The following PIP4K2A variants were observed in gnomAD, a reference collection of about 807,000 sequenced individuals.
PIP4K2A encodes phosphatidylinositol 5-phosphate 4-kinase type-2 alpha.
PIP4K2A carries 14 observed loss-of-function variants against 42.9 expected under a neutral mutation model. The ratio of observed to expected loss-of-function variants is 0.33; its 90% CI spans 0.22 to 0.51. PIP4K2A has a LOEUF of 0.51. PIP4K2A is among the 20% of genes least tolerant of loss of function. The pLI is 0.97. For synonymous variants in PIP4K2A, 192 were observed against 192.2 expected (o/e 1.00, Z 0.01); for missense variants, 434 against 519.8 (o/e 0.83, Z 1.61).
intron 4 of PIP4K2A, among the ~76,000 whole-genome samples, chr10:22,584,590 C>A (rs1396339436): frequency 2.6e-5 from 4 of 152,096 alleles, no homozygotes; most frequent in East Asian, 1.9e-4. Context: ...GTGTGCCGGG[C>A]AGCTCCCCAT....
At chr10:22,642,896 T>G (rs1034074079) in intron 1 of PIP4K2A, among the ~76,000 whole-genome samples, 2 of 152,178 alleles carry the variant, frequency 1.3e-5, no homozygotes, top group East Asian at 3.9e-4. Flanking sequence ...AGTTTTCTTT[T>G]GTCAATGTAA....
chr10:22,604,124 C>CA (rs1199588853), intron 3 of PIP4K2A, among the ~76,000 whole-genome samples: 1 of 151,904 alleles, frequency 6.6e-6, no homozygotes, highest in East Asian at 1.9e-4. Context: ...TTGTCTTTAA[C>CA]AACAAGGAAA....
At chr10:22,539,913 G>C in intron 9 of PIP4K2A, 58 bp downstream of exon 9, 2 of 353,650 alleles carry the variant, frequency 5.7e-6, no homozygotes, top group South Asian at 4.7e-5. Context: ...GAGAGAGAGG[G>C]AGAGAGAGAG....
At chr10:22,602,008 G>A (rs909904355) in intron 3 of PIP4K2A, among the ~76,000 whole-genome samples, 3 of 152,108 alleles carry the variant, frequency 2.0e-5, no homozygotes, top group African/African-American at 4.8e-5. Flanking sequence ...GGTGGGTGAC[G>A]GAGGCTTGGC....
intron 1 of PIP4K2A, among the ~76,000 whole-genome samples, chr10:22,667,432 CCTTTGG>C (rs1839370724): frequency 6.6e-6 from 1 of 152,126 alleles, no homozygotes; most frequent in South Asian, 2.1e-4. Flanking sequence ...CACTCTAAGT[CCTTTGG>C]CTTTGAATGT....
At chr10:22,595,898 T>C (rs925020648) in intron 3 of PIP4K2A, among the ~76,000 whole-genome samples, 1 of 151,978 alleles carries the variant, frequency 6.6e-6, no homozygotes, top group African/African-American at 2.4e-5. Flanking sequence ...CTTGGATCTT[T>C]TATGACTCTA....
chr10:22,670,871 C>G (rs543974517), intron 1 of PIP4K2A, among the ~76,000 whole-genome samples: 1 of 152,164 alleles, frequency 6.6e-6, no homozygotes, highest in South Asian at 2.1e-4. Flanking sequence ...GTAAGTGTGA[C>G]ACTAGAAACT....
At chr10:22,545,112 T>C (rs1449066694) in intron 7 of PIP4K2A, among the ~76,000 whole-genome samples, 1 of 152,216 alleles carries the variant, frequency 6.6e-6, no homozygotes, top group Non-Finnish European at 1.5e-5. Flanking sequence ...CGGCACTTGT[T>C]GGACAAGTGA....
chr10:22,550,646 T>C lies in PIP4K2A; in HGVS notation c.792+13A>G, dbSNP rs1252456473. ...TATACAATGAGTCTGGCCTCTCCAC[T>C]GACTGTTCTTACCTCAACATCCTTT... On this transcript the variant is annotated intron_variant, in intron 7 of 9. Transcript: ENST00000376573. The C allele has an allele frequency of 7.5e-7, 1 of 1,335,784 alleles. No homozygotes were observed. The highest frequency in any genetic ancestry group is 1.1e-6 in the Non-Finnish European group (1 of 925,146). 82.7% of individuals were successfully genotyped at this position (1,335,784 alleles called of 1,614,324 possible). A position where few individuals can be genotyped will look rare whatever the true frequency, so the allele number is the denominator to read the frequency against.
intron 6 of PIP4K2A, 145 bp downstream of exon 6, chr10:22,567,706 C>A (rs1212394948): frequency 1.3e-6 from 1 of 787,660 alleles, no homozygotes; most frequent in Non-Finnish European, 2.3e-6. Flanking sequence ...CGGGTCAATA[C>A]AGTGTTTCTC....
intron 1 of PIP4K2A, among the ~76,000 whole-genome samples, chr10:22,693,035 T>C (rs1441937724): frequency 2.0e-5 from 3 of 152,212 alleles, no homozygotes; most frequent in Non-Finnish European, 4.4e-5. Flanking sequence ...CAATAACAAA[T>C]AGTTCTGCAT....
chr10:22,651,172 G>A (rs1159767288), intron 1 of PIP4K2A, among the ~76,000 whole-genome samples: 1 of 152,154 alleles, frequency 6.6e-6, no homozygotes, highest in Non-Finnish European at 1.5e-5. Context: ...CACCTCCTAA[G>A]CCCCACCAGC....
At chr10:22,660,119 C>T (rs910560342) in intron 1 of PIP4K2A, among the ~76,000 whole-genome samples, 3 of 152,106 alleles carry the variant, frequency 2.0e-5, no homozygotes, top group African/African-American at 7.2e-5. Flanking sequence ...CTCACTTCCC[C>T]CTACATCCCC....
At chr10:22,672,011 C>T (rs963514451) in intron 1 of PIP4K2A, among the ~76,000 whole-genome samples, 2 of 152,088 alleles carry the variant, frequency 1.3e-5, no homozygotes, top group African/African-American at 4.8e-5. Flanking sequence ...GACAAATATG[C>T]AGCTATATTT....
At chr10:22,653,112 A>G (rs1839026244) in intron 1 of PIP4K2A, among the ~76,000 whole-genome samples, 1 of 152,094 alleles carries the variant, frequency 6.6e-6, no homozygotes, top group African/African-American at 2.4e-5. Context: ...GGTTTATGAG[A>G]AAGGACCACC....
chr10:22,662,712 A>G (rs1839224929), intron 1 of PIP4K2A, among the ~76,000 whole-genome samples: 1 of 152,176 alleles, frequency 6.6e-6, no homozygotes, highest in Non-Finnish European at 1.5e-5. Context: ...CAGAAAATGG[A>G]GAAATATATT....
In PIP4K2A at chr10:22,664,062, C is replaced by CACAT. The variant is rs1554807179; in HGVS notation, c.144+50120_144+50121insATGT. Among the ~76,000 whole-genome samples, 201 of 70,178 alleles carry CACAT rather than the reference C, an allele frequency of 2.9e-3. 8 individuals are homozygous for CACAT. The highest frequency in any genetic ancestry group is 0.026 in the African/African-American group (192 of 7,394). 46.0% of individuals were successfully genotyped at this position (70,178 alleles called of 152,430 possible). On this transcript the variant is annotated intron_variant, in intron 1 of 9. Transcript: ENST00000376573. ...ATATATATATACATATGTATATATA[C>CACAT]ATATATATATATACGTATATATATA...
At position 22,536,381 on chromosome 10, in the gene PIP4K2A, G is replaced by A. The variant is rs1427971732; in HGVS notation, c.*820C>T. ...GAAGGCTCCAGGCAAGAAAAGAGAA[G>A]TAAGCAGTTTTCCTGGACATATTGG... On this transcript the variant is annotated 3_prime_UTR_variant, in exon 10 of 10. Transcript: ENST00000376573. 3 of 338,782 alleles carry A rather than the reference G, an allele frequency of 8.9e-6. No homozygotes were observed. The East Asian group carries it at 1.3e-4, about 14-fold the overall frequency. 21.0% of individuals were successfully genotyped at this position (338,782 alleles called of 1,614,324 possible). A position where few individuals can be genotyped will look rare whatever the true frequency, so the allele number is the denominator to read the frequency against.
chr10:22,713,349 G>C (rs1833948805), intron 1 of PIP4K2A, among the ~76,000 whole-genome samples: 1 of 151,988 alleles, frequency 6.6e-6, no homozygotes, highest in Non-Finnish European at 1.5e-5. Flanking sequence ...GGCCAACTCG[G>C]GACCCCCTCC....
Sources: allele counts gnomAD v4.1 joint callset (sites outside exome capture counted in the v4.1 genomes callset), GRCh38; gene constraint gnomAD v4.1.1; transcripts MANE v1.5; gene names NCBI Gene and HGNC (gene_info 2026-07-23, HGNC 2026-07-21).